The following USH2A variants were observed in gnomAD, a reference collection of about 807,000 sequenced individuals.
USH2A encodes the protein usherin, also known as Usher syndrome 2A (autosomal recessive, mild).
In USH2A, 443 loss-of-function variants were observed where a neutral mutation model predicts 538.9. The ratio of observed to expected loss-of-function variants is 0.82; its 90% confidence interval spans 0.76 to 0.89. The LOEUF (loss-of-function observed/expected upper bound fraction) is 0.89. Ranked by LOEUF, USH2A falls within the 40% of genes least tolerant of loss-of-function variation. The pLI, the probability that USH2A is intolerant of heterozygous loss-of-function variation, is 0.00. For synonymous variants in USH2A, 2,413 were observed against 2,273.5 expected (o/e 1.06, Z -1.75); for missense variants, 6,633 against 6,324.8 (o/e 1.05, Z -1.65).
chr1:216,294,067 A>G (rs2037057542), intron 9 of USH2A, among the ~76,000 whole-genome samples: 1 of 152,234 alleles, frequency 6.6e-6, no homozygotes, highest in African/African-American at 2.4e-5. Flanking sequence ...CAAATTATGT[A>G]ATAGGTCTGT....
intron 64 of USH2A, among the ~76,000 whole-genome samples, chr1:215,653,033 A>G (rs1185629149): frequency 6.6e-6 from 1 of 152,234 alleles, no homozygotes; most frequent in Non-Finnish European, 1.5e-5. Flanking sequence ...TGAAATAAGC[A>G]TAATTCATAG....
intron 35 of USH2A, among the ~76,000 whole-genome samples, chr1:215,983,770 T>C (rs565000721): frequency 1.3e-5 from 2 of 152,180 alleles, no homozygotes; most frequent in South Asian, 4.1e-4. Context: ...TTTACAAAGA[T>C]GCGGACAGGG....
At chr1:216,023,839 C>T (rs1369790777) in intron 32 of USH2A, among the ~76,000 whole-genome samples, 1 of 151,604 alleles carries the variant, frequency 6.6e-6, no homozygotes, top group African/African-American at 2.4e-5. Flanking sequence ...TTTCAGGAAA[C>T]TAATTCTTTA....
At chr1:215,794,363 G>A (rs1274468293) in intron 50 of USH2A, among the ~76,000 whole-genome samples, 2 of 152,154 alleles carry the variant, frequency 1.3e-5, no homozygotes, top group East Asian at 1.9e-4. Context: ...GAGCCAGCCC[G>A]GTCTCGTGGC....
chr1:215,724,135 A>G lies in USH2A; in HGVS notation c.12066+3895T>C, dbSNP rs1459170149. On this transcript the variant is annotated intron_variant, in intron 61 of 71. Coordinates refer to ENST00000307340, the MANE Select transcript of USH2A (RefSeq NM_206933.4). ...TATATCTATATATCTCCTGATTTCC[A>G]TTTCCACTTTCCATATTTACTAAAT... Among the ~76,000 whole-genome samples, 5 of 151,906 alleles carry G rather than the reference A, an allele frequency of 3.3e-5. No homozygotes were observed. The East Asian group carries it at 9.7e-4, about 29-fold the overall frequency.
At chr1:216,228,060 G>A (rs2035595266) in intron 14 of USH2A, among the ~76,000 whole-genome samples, 1 of 152,046 alleles carries the variant, frequency 6.6e-6, no homozygotes, top group African/African-American at 2.4e-5. Context: ...GATTAAGGAG[G>A]GATAATGGGA....
intron 21 of USH2A, among the ~76,000 whole-genome samples, chr1:216,108,395 T>C (rs2032787928): frequency 7.0e-6 from 1 of 143,878 alleles, no homozygotes; most frequent in Non-Finnish European, 1.5e-5. Context: ...AGGTTTTTAT[T>C]TCCATAATCT....
At chr1:216,394,788 C>A (rs530648309) in intron 3 of USH2A, among the ~76,000 whole-genome samples, 1 of 134,132 alleles carries the variant, frequency 7.5e-6, no homozygotes. Flanking sequence ...GCGCGATCTC[C>A]GCTCACTGCA....
At chr1:215,675,786 G>T (rs532930338) in intron 62 of USH2A, among the ~76,000 whole-genome samples, 170 bp from the exon 63 acceptor site, 3 of 151,634 alleles carry the variant, frequency 2.0e-5, no homozygotes, top group Admixed American at 6.6e-5. Context: ...GTTAACATAA[G>T]GCCCACAGAG....
intron 61 of USH2A, among the ~76,000 whole-genome samples, chr1:215,707,987 TA>T (rs1466016795): frequency 6.6e-6 from 1 of 152,144 alleles, no homozygotes; most frequent in Non-Finnish European, 1.5e-5. Context: ...TGTGAACAAT[TA>T]AAACAAATTT....
At chr1:216,120,905 G>A (rs1345788903) in intron 21 of USH2A, among the ~76,000 whole-genome samples, 1 of 152,068 alleles carries the variant, frequency 6.6e-6, no homozygotes, top group Non-Finnish European at 1.5e-5. Context: ...ATGATTACAT[G>A]AGACAGCAAG....
chr1:215,865,129 C>T (rs1400231682), intron 44 of USH2A, among the ~76,000 whole-genome samples: 1 of 152,056 alleles, frequency 6.6e-6, no homozygotes, highest in East Asian at 1.9e-4. Context: ...AAAAAATAGG[C>T]CACCTTTCAC....
At chr1:216,330,903 G>A (rs114726772) in intron 4 of USH2A, among the ~76,000 whole-genome samples, 5,926 of 152,064 alleles carry the variant, frequency 0.039, 177 homozygotes, top group Middle Eastern at 0.11. Context: ...TGATAAATTA[G>A]AATTCACTCC....
rs180810882 is a variant in USH2A, at chr1:215,744,432, T to C, written c.11390-1097A>G. ...GGCATACTTTTTCAAGGAGAGGATA[T>C]GAGTTTTGAATGAAGAATATAATGG... On this transcript the variant is annotated intron_variant, in intron 58 of 71. Transcript: ENST00000307340. Among the ~76,000 whole-genome samples, 14 of 152,336 alleles carry C rather than the reference T, an allele frequency of 9.2e-5. 1 individual carries two copies. The highest frequency in any genetic ancestry group is 7.8e-4 in the Admixed American group (12 of 15,308).
At chr1:215,861,085 A>T (rs762045024) in intron 44 of USH2A, among the ~76,000 whole-genome samples, 7 of 152,304 alleles carry the variant, frequency 4.6e-5, no homozygotes, top group Admixed American at 1.3e-4. Flanking sequence ...CTTCTTGGGC[A>T]ATAATCCTTC....
intron 3 of USH2A, among the ~76,000 whole-genome samples, chr1:216,369,280 G>A (rs2038657713): frequency 6.6e-6 from 1 of 152,094 alleles, no homozygotes; most frequent in Non-Finnish European, 1.5e-5. Context: ...AAAATCACAT[G>A]TATGTTGTAT....
chr1:216,323,778 C>T, intron 7 of USH2A, 83 bp from the exon 8 acceptor site: 1 of 1,255,662 alleles, frequency 8.0e-7, no homozygotes, highest in Non-Finnish European at 1.2e-6. Flanking sequence ...GAAATTACTA[C>T]ACAGTATCAA....
Position 215,836,464 on chromosome 1 carries a change from T to TTA in USH2A, c.9371+1525_9371+1526dup, listed in dbSNP as rs1356176708. Reference sequence around the variant, plus strand: ...CCTTCTATGTGTGTGTGTATATATATTATATATATATATATAATATATATT... The same window carrying TTA: ...CCTTCTATGTGTGTGTGTATATATATTATATATATATATATATAATATATATT... On this transcript the variant is annotated intron_variant, in intron 47 of 71. Transcript: ENST00000307340. 5.6e-3 allele frequency among the ~76,000 whole-genome samples: 155 copies of TTA among 27,898 alleles called. 10 individuals are homozygous for TTA. The highest frequency in any genetic ancestry group is 0.021 in the South Asian group (19 of 926). 18.3% of individuals were successfully genotyped at this position (27,898 alleles called of 152,430 possible).
At position 215,786,863 on chromosome 1, in the gene USH2A, C is replaced by A. The variant is rs753372521; in HGVS notation, c.10194G>T (p.Glu3398Asp). Residue 3398 changes from glutamate (E) to aspartate (D), a missense_variant, in exon 52 of 72, where the codon GAG becomes GAT. Glu to Asp is a conservative substitution (Grantham distance 45). Coordinates refer to ENST00000307340, the MANE Select transcript of USH2A (RefSeq NM_206933.4). ...STGMMMKETK[E>D]CRILCPASME... Reference sequence around the variant, plus strand: ...TAGATGCTGGGCAGAGGATCCTGCACTCTTTGGTTTCCTGAGTCAAGTGGC... The same window carrying A: ...TAGATGCTGGGCAGAGGATCCTGCAATCTTTGGTTTCCTGAGTCAAGTGGC... The A allele has an allele frequency of 1.6e-5, 26 of 1,613,718 alleles. No homozygotes were observed. The highest frequency in any genetic ancestry group is 2.1e-5 in the Non-Finnish European group (25 of 1,179,894).
Sources: gnomAD v4.1 joint callset for allele counts (sites outside exome capture counted in the v4.1 genomes callset) on GRCh38, gnomAD v4.1.1 for gene constraint, MANE v1.5 for transcripts, NCBI Gene and HGNC (gene_info 2026-07-23, HGNC 2026-07-21) for gene names.